The following TIE1 variants were observed in gnomAD, a reference collection of about 807,000 sequenced individuals.
TIE1 encodes tyrosine kinase with immunoglobulin like and EGF like domains 1.
A neutral mutation model predicts 130.5 loss-of-function variants in TIE1; 89 were observed. The observed-to-expected ratio is 0.68, with a 90% CI of 0.57 to 0.81. The LOEUF is 0.81. TIE1 is among the 40% of genes least tolerant of loss of function. The pLI is 0.00. For missense variants in TIE1, 1,392 were observed against 1,559.8 expected (o/e 0.89, Z 1.81); for synonymous variants, 568 against 629.4 (o/e 0.90, Z 1.46).
chr1:43,309,441 C>A lies in TIE1; in HGVS notation c.1242C>A (p.Pro414=). 1.2e-6 allele frequency: 2 copies of A among 1,611,914 alleles called. No homozygotes were observed. The highest frequency in any genetic ancestry group is 1.7e-6 in the Non-Finnish European group (2 of 1,179,064). ...PEKTTAEFEV[P]RLVLADSGFW... ...AGACCACAGCTGAGTTCGAGGTGCC[C>A]CGCTTGGTTCTTGCGGACAGTGGGT... The change falls in exon 9 of 23, where the codon CCC becomes CCA. Residue 414 remains proline (P), a synonymous_variant. Coordinates refer to ENST00000372476, the MANE Select transcript of TIE1 (RefSeq NM_005424.5). The surrounding 1 kb of genome is among the most constrained non-coding windows in gnomAD (Gnocchi z 6.3).
At chr1:43,310,945 G>GT (rs1172572638) in intron 9 of TIE1, among the ~76,000 whole-genome samples, 6 of 152,184 alleles carry the variant, frequency 3.9e-5, no homozygotes, top group African/African-American at 9.6e-5. Flanking sequence ...GTAAACATTT[G>GT]TAAGAGTCAA....
rs1455070081 is a variant in TIE1 at position 43,306,713 on chromosome 1, T to C, written c.485-127T>C. The C allele has an allele frequency of 1.6e-6, 2 of 1,252,516 alleles. No homozygotes were observed. The highest frequency in any genetic ancestry group is 4.6e-5 in the Admixed American group (2 of 43,142). The allele number at this position is 1,252,516 out of a possible 1,614,324, so 77.6% of individuals were successfully genotyped here. A position where few individuals can be genotyped will look rare whatever the true frequency, so the allele number is the denominator to read the frequency against. ...TTTCTGGCGTGGGCATAGGCTCTCG[T>C]GGTGCCGGCCCTAGGTCTCATCACT... On this transcript the variant is annotated intron_variant, in intron 3 of 22. Transcript: ENST00000372476. The surrounding 1 kb of genome is among the most constrained non-coding windows in gnomAD (Gnocchi z 4.9).
chr1:43,311,958 G>T, intron 10 of TIE1, 36 bp from the exon 11 acceptor site: 1 of 1,563,228 alleles, frequency 6.4e-7, no homozygotes, highest in Non-Finnish European at 8.7e-7. Flanking sequence ...GAAGAGGTGG[G>T]GGCTGAATAA....
chr1:43,307,469 G>C lies in TIE1; in HGVS notation c.810G>C (p.Glu270Asp). The C allele has an allele frequency of 1.2e-6, 2 of 1,614,184 alleles. No individual in the cohort carries two copies. The highest frequency in any genetic ancestry group is 1.7e-6 in the Non-Finnish European group (2 of 1,180,018). Residue 270 changes from glutamate (E) to aspartate (D), a missense_variant, in exon 6 of 23, where the codon GAG becomes GAC. Around this residue, in one of 6 missense-constraint regions of TIE1, gnomAD observed 415 missense variants for 424.8 expected, o/e 0.98. Transcript: ENST00000372476. This position sits in a 1 kb window ranked among gnomAD's most constrained non-coding sequence, Gnocchi z 5.4. ...GCCGTTTTGGGCAGAGCTGCCAGGAGCAGTGCCCAGGCATATCAGGCTGCC... is the reference window on the plus strand; with the variant it reads ...GCCGTTTTGGGCAGAGCTGCCAGGACCAGTGCCCAGGCATATCAGGCTGCC... ...REGRFGQSCQEQCPGISGCRG... is the reference protein window; with the variant it reads ...REGRFGQSCQDQCPGISGCRG...
chr1:43,306,828 C>T lies in TIE1; in HGVS notation c.485-12C>T, dbSNP rs772650617. The stretch of plus-strand genomic sequence containing the variant: ...GTAGTGCTGAGGCCCCTGACACATT[C>T]ATGTCCCCCAGGATCCTACTTCTAC... On this transcript the variant is annotated splice_polypyrimidine_tract_variant and intron_variant, in intron 3 of 22. Coordinates refer to ENST00000372476, the MANE Select transcript of TIE1 (RefSeq NM_005424.5). The surrounding 1 kb of genome is among the most constrained non-coding windows in gnomAD (Gnocchi z 4.9). The T allele has an allele frequency of 3.7e-6, 6 of 1,600,360 alleles. No individual in the cohort carries two copies. In the Admixed American group the frequency reaches 8.5e-5, roughly 23 times the overall value.
At position 43,321,382 on chromosome 1, in the gene TIE1, G is replaced by T. The variant is rs1206161204; in HGVS notation, c.3149-14G>T. ...TGGAGCCCTGGACCGAGAGCACTTT[G>T]TCCCCTCCTGCAGGAGGTACACCCT... On this transcript the variant is annotated splice_polypyrimidine_tract_variant and intron_variant, in intron 20 of 22. Transcript: ENST00000372476. 1.9e-6 allele frequency: 3 copies of T among 1,613,846 alleles called. No homozygotes were observed.
In TIE1 at chr1:43,311,674, C is replaced by A. The variant is rs1553123879; in HGVS notation, c.1337C>A (p.Pro446His). The change falls in exon 10 of 23, where the codon CCC becomes CAC. Residue 446 changes from proline (P) to histidine (H), a missense_variant. By Grantham distance (77) the Pro-to-His change is moderately conservative. Transcript: ENST00000372476. ...CTTACCCTGAGTCTCCTGGCAGTGC[C>A]CCCCGTGCCCCTGGCTGCACCTCGG... is the stretch of plus-strand genomic sequence containing the variant. Reference protein sequence around the residue: ...SRRFKVNVKVPPVPLAAPRLL... With the variant: ...SRRFKVNVKVHPVPLAAPRLL... 1 of 1,611,822 alleles carries A rather than the reference C, an allele frequency of 6.2e-7. No homozygotes were observed. The highest frequency in any genetic ancestry group is 8.5e-7 in the Non-Finnish European group (1 of 1,179,320).
rs532619196 is a variant in TIE1 at position 43,309,349 on chromosome 1, C to T, written c.1189-39C>T. 23 of 1,548,252 alleles carry T rather than the reference C, an allele frequency of 1.5e-5. No homozygotes were observed. The highest frequency in any genetic ancestry group is 8.1e-5 in the Admixed American group (4 of 49,334). On this transcript the variant is annotated intron_variant, in intron 8 of 22. Transcript: ENST00000372476. The surrounding 1 kb of genome is among the most constrained non-coding windows in gnomAD (Gnocchi z 6.3). ...CCTGGGTGCCTGCCACAGAGGTGCC[C>T]GTTCCCTGTGACCTGTCCCCTTCCC... is the stretch of plus-strand genomic sequence containing the variant.
Position 43,312,532 on chromosome 1 carries a change from GT to G in TIE1, c.1859del (p.Val620GlyfsTer43). 3 of 1,613,508 alleles carry G rather than the reference GT, an allele frequency of 1.9e-6. No homozygotes were observed. The highest frequency in any genetic ancestry group is 2.5e-6 in the Non-Finnish European group (3 of 1,179,890). On this transcript the variant is annotated frameshift_variant, in exon 12 of 23. Transcript: ENST00000372476. LOFTEE classifies it high-confidence loss of function. The surrounding 1 kb of genome is among the most constrained non-coding windows in gnomAD (Gnocchi z 5.6). ...GCCTGGCACCCACTACCAGCTGGAT[GT>G]GCAGCTCTACCACTGCACCCTCCTG... is the stretch of plus-strand genomic sequence containing the variant. ...LTPGTHYQLD[V>X]QLYHCTLLGP...
rs149416856 is a variant in TIE1 at position 43,313,559 on chromosome 1, T to C, written c.2218+134T>C. 3.2e-4 allele frequency: 398 copies of C among 1,228,602 alleles called. 2 individuals carry two copies. In the African/African-American group the frequency reaches 5.1e-3, roughly 16 times the overall value. The allele number at this position is 1,228,602 out of a possible 1,614,324, so 76.1% of individuals were successfully genotyped here. On this transcript the variant is annotated intron_variant, in intron 13 of 22. Coordinates refer to ENST00000372476, the MANE Select transcript of TIE1 (RefSeq NM_005424.5). This position sits in a 1 kb window ranked among gnomAD's most constrained non-coding sequence, Gnocchi z 6.2. ...CCTGACAAAGAGTCAGCCCCAGTCC[T>C]GGGGACTCAGCCTTCCATTCTCATG...
chr1:43,320,216 G>C (rs1646900432), intron 19 of TIE1: 1 of 152,802 alleles, frequency 6.5e-6, no homozygotes, highest in African/African-American at 2.4e-5. Context: ...TCAAGAGTAA[G>C]AGCTTTGGAG....
chr1:43,320,687 C>T (rs982976162), intron 19 of TIE1: 8 of 152,302 alleles, frequency 5.3e-5, no homozygotes, highest in African/African-American at 1.7e-4. Flanking sequence ...CCCATCTCTA[C>T]TAAAAATACA....
intron 1 of TIE1, among the ~76,000 whole-genome samples, chr1:43,301,351 G>T (rs1646667757): frequency 6.6e-6 from 1 of 152,150 alleles, no homozygotes. Flanking sequence ...GCCGGGTGCG[G>T]TGGTTCATAC....
chr1:43,319,794 A>G lies in TIE1; in HGVS notation c.3107+265A>G. On this transcript the variant is annotated intron_variant, in intron 19 of 22. Transcript: ENST00000372476. This position sits in a 1 kb window ranked among gnomAD's most constrained non-coding sequence, Gnocchi z 4.7. ...GTAAGTGACGGGGGATGCCTTGGAG[A>G]GGTTTGGGAATGCTGGCGGATGCTT... 2.0e-6 allele frequency: 1 copy of G among 492,036 alleles called. No individual in the cohort carries two copies. Among genetic ancestry groups the G allele is most frequent in the Non-Finnish European group, 3.7e-6 (1 of 269,220 alleles). 30.5% of individuals were successfully genotyped at this position (492,036 alleles called of 1,614,324 possible).
intron 22 of TIE1, among the ~76,000 whole-genome samples, 174 bp downstream of exon 22, chr1:43,321,889 C>G (rs372920604): frequency 5.3e-5 from 8 of 152,348 alleles, no homozygotes; most frequent in African/African-American, 1.9e-4. Context: ...CCAGCCCTCA[C>G]TGGTTTAGAC....
chr1:43,307,432 C>G lies in TIE1; in HGVS notation c.773C>G (p.Ala258Gly). Residue 258 changes from alanine to glycine, a missense_variant and splice_region_variant, in exon 6 of 23, where the codon GCC (alanine) becomes GGC (glycine). Coordinates refer to ENST00000372476, the MANE Select transcript of TIE1 (RefSeq NM_005424.5). The surrounding 1 kb of genome is among the most constrained non-coding windows in gnomAD (Gnocchi z 5.4). Reference protein sequence around the residue: ...PGFTGTRCEQACREGRFGQSC... With the variant: ...PGFTGTRCEQGCREGRFGQSC... ...TACACCCCACACACTCTCTTTCTAG[C>G]CTGCAGAGAGGGCCGTTTTGGGCAG... is the stretch of plus-strand genomic sequence containing the variant. 1 of 1,614,118 alleles carries G rather than the reference C, an allele frequency of 6.2e-7. No homozygotes were observed. The highest frequency in any genetic ancestry group is 1.7e-4 in the Middle Eastern group (1 of 6,042).
chr1:43,319,053 C>G lies in TIE1; in HGVS notation c.2923-182C>G, dbSNP rs780591539. 6.6e-6 allele frequency among the ~76,000 whole-genome samples: 1 copy of G among 152,042 alleles called. No individual in the cohort carries two copies. Among genetic ancestry groups the G allele is most frequent in the Non-Finnish European group, 1.5e-5 (1 of 68,014 alleles). ...AACTTGGTCAGGGCCCAGGAACGAG[C>G]GGGTGAGAGCCAACACTGATCTTTC... On this transcript the variant is annotated intron_variant, in intron 17 of 22. Coordinates refer to ENST00000372476, the MANE Select transcript of TIE1 (RefSeq NM_005424.5). This position sits in a 1 kb window ranked among gnomAD's most constrained non-coding sequence, Gnocchi z 4.7.
chr1:43,319,092 A>T lies in TIE1; in HGVS notation c.2923-143A>T. On this transcript the variant is annotated intron_variant, in intron 17 of 22. Transcript: ENST00000372476. The surrounding 1 kb of genome is among the most constrained non-coding windows in gnomAD (Gnocchi z 4.7). ...CACTGATCTTTCTCAGATATGAGTC[A>T]GCTGACGAGATTGCAGCCAGGAGGG... 1 of 643,446 alleles carries T rather than the reference A, an allele frequency of 1.6e-6. No homozygotes were observed. The highest frequency in any genetic ancestry group is 2.8e-6 in the Non-Finnish European group (1 of 356,030). 39.9% of individuals were successfully genotyped at this position (643,446 alleles called of 1,614,324 possible).
chr1:43,322,364 A>T lies in TIE1; in HGVS notation c.3346-287A>T, dbSNP rs1646928492. Among the ~76,000 whole-genome samples the T allele has an allele frequency of 6.6e-6, 1 of 152,246 alleles. No homozygotes were observed. Among genetic ancestry groups the T allele is most frequent in the East Asian group, 1.9e-4 (1 of 5,196 alleles). Reference sequence around the variant, plus strand: ...GTCGTCTAAAATGGCTTTTGAACAGATAAGTTACTGAATGAATGAACGCAT... The same window carrying T: ...GTCGTCTAAAATGGCTTTTGAACAGTTAAGTTACTGAATGAATGAACGCAT... On this transcript the variant is annotated intron_variant, in intron 22 of 22. Coordinates refer to ENST00000372476, the MANE Select transcript of TIE1 (RefSeq NM_005424.5). This position sits in a 1 kb window ranked among gnomAD's most constrained non-coding sequence, Gnocchi z 4.0.
Sources: gnomAD v4.1 joint callset for allele counts (sites outside exome capture counted in the v4.1 genomes callset) on GRCh38, gnomAD v4.1.1 for gene constraint, gnomAD v4.1.1 regional missense constraint, Gnocchi (gnomAD v3.1) non-coding constraint, MANE v1.5 for transcripts, NCBI Gene and HGNC (gene_info 2026-07-23, HGNC 2026-07-21) for gene names.